OPCML: variants seen among roughly 807,000 people sequenced by gnomAD.
OPCML encodes the protein opioid-binding protein/cell adhesion molecule.
Under a neutral mutation model 37.8 loss-of-function variants are expected in OPCML, and 13 were observed. That is an observed-to-expected ratio of 0.34 (90% CI 0.22 to 0.55). The LOEUF (loss-of-function observed/expected upper bound fraction) is 0.55. OPCML is among the 20% of genes least tolerant of loss of function. OPCML has a pLI of 0.91. For synonymous variants in OPCML, 176 were observed against 168.8 expected (o/e 1.04, Z -0.33); for missense variants, 341 against 435.6 (o/e 0.78, Z 1.93).
At chr11:133,406,598 G>T (rs1565617344) in intron 1 of OPCML, among the ~76,000 whole-genome samples, 1 of 152,190 alleles carries the variant, frequency 6.6e-6, no homozygotes. Flanking sequence ...GTCAGGATAT[G>T]CTGTGAGCTG....
intron 1 of OPCML, chr11:133,439,395 G>C (rs555986931): frequency 1.2e-5 from 12 of 984,546 alleles, no homozygotes; most frequent in Non-Finnish European, 1.4e-5. Flanking sequence ...GAAAAATTCC[G>C]TCTGTTTCAG....
At chr11:133,327,051 T>G (rs2136638204) in intron 1 of OPCML, among the ~76,000 whole-genome samples, 1 of 112,990 alleles carries the variant, frequency 8.9e-6, no homozygotes, top group Non-Finnish European at 1.8e-5. Flanking sequence ...TGTATGTGTG[T>G]GTGGGGTGTG....
intron 1 of OPCML, among the ~76,000 whole-genome samples, chr11:133,385,656 C>T (rs1260225869): frequency 6.6e-6 from 1 of 151,958 alleles, no homozygotes; most frequent in East Asian, 1.9e-4. Context: ...GATGAGGAAG[C>T]TGAAACTTCG....
rs1042858430 is a variant in OPCML at position 133,173,312 on chromosome 11, A to C, written c.62-230302T>G. Among the ~76,000 whole-genome samples the C allele has an allele frequency of 6.6e-6, 1 of 152,250 alleles. No individual in the cohort carries two copies. The highest frequency in any genetic ancestry group is 1.5e-5 in the Non-Finnish European group (1 of 68,046). ...AATAACATGATTATTTAATATGTTT[A>C]ATATCTGTCTCTACTTGTAGACCCC... On this transcript the variant is annotated intron_variant, in intron 1 of 7. Transcript: ENST00000524381. This position sits in a 1 kb window ranked among gnomAD's most constrained non-coding sequence, Gnocchi z 7.8.
intron 3 of OPCML, among the ~76,000 whole-genome samples, chr11:132,633,776 C>A (rs1022749961): frequency 8.5e-5 from 13 of 152,140 alleles, no homozygotes; most frequent in Admixed American, 2.6e-4. Context: ...CCAGGAAAGG[C>A]ACAGAGTGTT....
chr11:132,653,159 C>T lies in OPCML; in HGVS notation c.379+3928G>A, dbSNP rs181057522. Reference sequence around the variant, plus strand: ...TAGACCTCGTAAGCCCAAAGCTGTTCTTTCCGAGTGGCATAGGATCGTATC... The same window carrying T: ...TAGACCTCGTAAGCCCAAAGCTGTTTTTTCCGAGTGGCATAGGATCGTATC... On this transcript the variant is annotated intron_variant, in intron 3 of 7. Transcript: ENST00000524381. Among the ~76,000 whole-genome samples the T allele has an allele frequency of 3.1e-3, 465 of 152,160 alleles. 3 individuals carry two copies. The highest frequency in any genetic ancestry group is 5.1e-3 in the South Asian group (24 of 4,688).
intron 1 of OPCML, among the ~76,000 whole-genome samples, chr11:133,334,572 A>G (rs1473490300): frequency 2.0e-5 from 3 of 152,232 alleles, no homozygotes; most frequent in African/African-American, 7.2e-5. Flanking sequence ...GTGATGTAAT[A>G]ATATGTACAA....
intron 2 of OPCML, among the ~76,000 whole-genome samples, chr11:132,718,854 C>G (rs1185898152): frequency 6.6e-6 from 1 of 152,148 alleles, no homozygotes; most frequent in Non-Finnish European, 1.5e-5. Context: ...GGGTTGACAT[C>G]TCCTATTTTA....
intron 1 of OPCML, among the ~76,000 whole-genome samples, chr11:133,447,630 T>A (rs995056734): frequency 6.6e-6 from 1 of 152,252 alleles, no homozygotes; most frequent in African/African-American, 2.4e-5. Context: ...TATTTAACTT[T>A]CTGTTCCTGC....
At chr11:132,983,580 G>A (rs991124874) in intron 1 of OPCML, among the ~76,000 whole-genome samples, 1 of 151,994 alleles carries the variant, frequency 6.6e-6, no homozygotes, top group Admixed American at 6.5e-5. Context: ...AGCTCCTGGA[G>A]AACCGAGATC....
chr11:132,573,568 C>T (rs898491033), intron 3 of OPCML, among the ~76,000 whole-genome samples: 5 of 151,846 alleles, frequency 3.3e-5, no homozygotes, highest in Non-Finnish European at 5.9e-5. Flanking sequence ...AATTTATTTT[C>T]ACAGATTAAA....
At chr11:132,944,168 C>A (rs117372767) in intron 1 of OPCML, among the ~76,000 whole-genome samples, 24,237 of 147,586 alleles carry the variant, frequency 0.16, 2,544 homozygotes, top group African/African-American at 0.31. Flanking sequence ...CCCCTCGCAG[C>A]GGCTTCCCCT....
intron 1 of OPCML, among the ~76,000 whole-genome samples, chr11:133,404,046 C>T (rs1441153297): frequency 6.6e-6 from 1 of 152,208 alleles, no homozygotes; most frequent in Non-Finnish European, 1.5e-5. Context: ...AGTTGGCTCC[C>T]CCTAGAGGCC....
intron 1 of OPCML, among the ~76,000 whole-genome samples, chr11:133,499,791 CA>C (rs1947866506): frequency 7.2e-6 from 1 of 139,556 alleles, no homozygotes; most frequent in Non-Finnish European, 1.5e-5. Flanking sequence ...TATATATACA[CA>C]TATATATATG....
chr11:133,202,879 G>A (rs1284023823), intron 1 of OPCML, among the ~76,000 whole-genome samples: 2 of 152,190 alleles, frequency 1.3e-5, no homozygotes, highest in Non-Finnish European at 2.9e-5. Context: ...CCTCCCTCCC[G>A]GACATGCAGC....
At chr11:133,166,550 G>A (rs1008262931) in intron 1 of OPCML, among the ~76,000 whole-genome samples, 2 of 152,330 alleles carry the variant, frequency 1.3e-5, no homozygotes, top group African/African-American at 4.8e-5. Flanking sequence ...AGAGGAAGGA[G>A]TGATTTCTTC....
chr11:132,424,898 G>A (rs1266467446), intron 7 of OPCML, among the ~76,000 whole-genome samples: 1 of 152,202 alleles, frequency 6.6e-6, no homozygotes, highest in African/African-American at 2.4e-5. Flanking sequence ...TGAACCTGGG[G>A]TGAGGTATTG....
At chr11:133,403,382 T>C (rs1945451374) in intron 1 of OPCML, among the ~76,000 whole-genome samples, 1 of 152,232 alleles carries the variant, frequency 6.6e-6, no homozygotes, top group Non-Finnish European at 1.5e-5. Flanking sequence ...ATTTGATAAA[T>C]GTTTATGAGT....
intron 2 of OPCML, among the ~76,000 whole-genome samples, chr11:132,935,744 TG>T (rs1945347582): frequency 6.6e-6 from 1 of 152,214 alleles, no homozygotes; most frequent in Non-Finnish European, 1.5e-5. Context: ...TAAATTAAAA[TG>T]TGAATACAAG....
Sources: gnomAD v4.1 joint callset for allele counts (sites outside exome capture counted in the v4.1 genomes callset) on GRCh38, gnomAD v4.1.1 for gene constraint, Gnocchi (gnomAD v3.1) non-coding constraint, MANE v1.5 for transcripts, NCBI Gene and HGNC (gene_info 2026-07-23, HGNC 2026-07-21) for gene names.